SDK1: variants seen among roughly 807,000 people sequenced by gnomAD.
SDK1 encodes the protein protein sidekick-1.
Under a neutral mutation model 245.5 loss-of-function variants are expected in SDK1, and 157 were observed. That is an observed-to-expected ratio of 0.64 (90% CI 0.56 to 0.73). The LOEUF is 0.73. Ranked by LOEUF, SDK1 falls within the 30% of genes least tolerant of loss-of-function variation. The probability of loss-of-function intolerance (pLI) is 0.00; values close to 1 mark genes in which losing one functional copy is unlikely to be tolerated. For synonymous variants in SDK1, 1,647 were observed against 1,278.5 expected (o/e 1.29, Z -6.15); for missense variants, 3,583 against 3,002.3 (o/e 1.19, Z -4.52).
At chr7:3,426,968 C>G (rs994813280) in intron 1 of SDK1, among the ~76,000 whole-genome samples, 5 of 152,198 alleles carry the variant, frequency 3.3e-5, no homozygotes. Context: ...AACCTCATCT[C>G]TCATCAGATA....
chr7:3,415,196 A>T (rs539170431), intron 1 of SDK1, among the ~76,000 whole-genome samples: 1 of 152,326 alleles, frequency 6.6e-6, no homozygotes. Flanking sequence ...GAAGTACTGA[A>T]GGATTTGATG....
chr7:3,574,392 A>G lies in SDK1; in HGVS notation c.299-44688A>G. ...CAGCTTCCCAAAGTGCTGGGATTAC[A>G]GGCATGAGCCACCGTGCCCGGCTCA... On this transcript the variant is annotated intron_variant, in intron 1 of 44. Coordinates refer to ENST00000404826, the MANE Select transcript of SDK1 (RefSeq NM_152744.4). 1.3e-5 allele frequency among the ~76,000 whole-genome samples: 2 copies of G among 152,080 alleles called. 1 individual carries two copies. Among genetic ancestry groups the G allele is most frequent in the Non-Finnish European group, 2.9e-5 (2 of 67,976 alleles).
At chr7:3,947,661 C>T (rs2128123957) in intron 5 of SDK1, among the ~76,000 whole-genome samples, 1 of 150,570 alleles carries the variant, frequency 6.6e-6, no homozygotes, top group East Asian at 1.9e-4. Flanking sequence ...TTAAAAATAT[C>T]TGTATCTATA....
intron 22 of SDK1, among the ~76,000 whole-genome samples, chr7:4,083,705 A>ACTTCCTCCCTCCCTTCTTTC (rs1781229296): frequency 2.3e-5 from 3 of 129,556 alleles, no homozygotes; most frequent in Non-Finnish European, 5.0e-5. Context: ...TCCCTCCTTT[A>ACTTCCTCCCTCCCTTCTTTC]CTTCCTCCCT....
chr7:3,481,686 C>G (rs1419923808), intron 1 of SDK1, among the ~76,000 whole-genome samples: 1 of 152,262 alleles, frequency 6.6e-6, no homozygotes, highest in Non-Finnish European at 1.5e-5. Context: ...GTCAGGGACC[C>G]TGTCCACTCT....
chr7:4,175,928 G>C (rs941384611), intron 34 of SDK1, 94 bp downstream of exon 34: 10 of 1,041,888 alleles, frequency 9.6e-6, no homozygotes, highest in Non-Finnish European at 1.5e-5. Context: ...AACCAGCCTG[G>C]ATTAATGGCT....
intron 18 of SDK1, among the ~76,000 whole-genome samples, chr7:4,051,037 TTATA>T (rs1033506816): frequency 7.1e-6 from 1 of 141,642 alleles, no homozygotes; most frequent in East Asian, 2.0e-4. Flanking sequence ...GTTATGTATG[TTATA>T]TATAGTATAC....
rs199532876 is a variant in SDK1, at chr7:3,432,124, A to ATAT, written c.298+130240_298+130241insTAT. On this transcript the variant is annotated intron_variant, in intron 1 of 44. Coordinates refer to ENST00000404826, the MANE Select transcript of SDK1 (RefSeq NM_152744.4). Reference sequence around the variant, plus strand: ...TTGCAGGCTGCAGTAAAAAAAAAAAAATATATATATGTATTTTATATTTAA... The same window carrying ATAT: ...TTGCAGGCTGCAGTAAAAAAAAAAAATATATATATATATGTATTTTATATTTAA... Among the ~76,000 whole-genome samples the ATAT allele has an allele frequency of 8.4e-3, 1,228 of 146,854 alleles. 21 individuals are homozygous for ATAT. The highest frequency in any genetic ancestry group is 0.031 in the East Asian group (158 of 5,086).
intron 1 of SDK1, among the ~76,000 whole-genome samples, chr7:3,526,841 A>G (rs748112148): frequency 5.3e-5 from 8 of 152,134 alleles, no homozygotes; most frequent in Admixed American, 6.5e-5. Context: ...TGAATCTTAT[A>G]TATATCTTCC....
intron 1 of SDK1, among the ~76,000 whole-genome samples, chr7:3,420,555 A>AG (rs1779507999): frequency 6.6e-6 from 1 of 152,130 alleles, no homozygotes; most frequent in African/African-American, 2.4e-5. Flanking sequence ...CTAATCTTTT[A>AG]GGGGGAGGGT....
intron 5 of SDK1, among the ~76,000 whole-genome samples, chr7:3,823,955 T>C (rs1279462816): frequency 6.8e-6 from 1 of 146,886 alleles, no homozygotes. Context: ...TTTTTGTGTT[T>C]TTTTTTTTTG....
rs1779257991 is a variant in SDK1, at chr7:3,301,570, G to C, written c.-17G>C. On this transcript the variant is annotated 5_prime_UTR_variant, in exon 1 of 45. Transcript: ENST00000404826. ...CCCGTCCGTCCGGCGCGGCGCTCGG[G>C]GTGGCGGCTGCTCGGCATGGCCCGG... 1.1e-6 allele frequency: 1 copy of C among 925,416 alleles called. No individual in the cohort carries two copies. The highest frequency in any genetic ancestry group is 1.3e-6 in the Non-Finnish European group (1 of 779,142). 57.3% of individuals were successfully genotyped at this position (925,416 alleles called of 1,614,324 possible).
chr7:3,985,902 C>T (rs1469351301), intron 13 of SDK1, among the ~76,000 whole-genome samples: 6 of 152,130 alleles, frequency 3.9e-5, no homozygotes, highest in Non-Finnish European at 8.8e-5. Flanking sequence ...ATAATTATGG[C>T]TTTGTGTTCT....
intron 35 of SDK1, among the ~76,000 whole-genome samples, chr7:4,199,984 A>AATC: frequency 6.6e-6 from 1 of 152,110 alleles, no homozygotes; most frequent in Non-Finnish European, 1.5e-5. Context: ...AATCCCAGCT[A>AATC]CTCAGGAGGC....
chr7:3,924,519 C>T (rs754899277), intron 5 of SDK1, among the ~76,000 whole-genome samples: 7 of 152,150 alleles, frequency 4.6e-5, no homozygotes, highest in Non-Finnish European at 7.3e-5. Flanking sequence ...CACTGTCAGA[C>T]GACAAACAGG....
At chr7:3,985,224 C>A (rs1283419112) in intron 13 of SDK1, among the ~76,000 whole-genome samples, 1 of 152,236 alleles carries the variant, frequency 6.6e-6, no homozygotes, top group Non-Finnish European at 1.5e-5. Flanking sequence ...GAAAACCGTC[C>A]CAGTCACTCA....
intron 5 of SDK1, among the ~76,000 whole-genome samples, chr7:3,846,497 C>G (rs1275461627): frequency 6.6e-6 from 1 of 152,128 alleles, no homozygotes; most frequent in Admixed American, 6.5e-5. Context: ...GACTGCCTTC[C>G]CCAAGGCCCT....
intron 4 of SDK1, among the ~76,000 whole-genome samples, chr7:3,657,090 A>C (rs1330885044): frequency 6.6e-6 from 1 of 151,992 alleles, no homozygotes; most frequent in Admixed American, 6.6e-5. Context: ...TCCCCCACAA[A>C]GGAGGAGGGG....
At chr7:3,751,297 A>G (rs991823601) in intron 4 of SDK1, among the ~76,000 whole-genome samples, 2 of 152,214 alleles carry the variant, frequency 1.3e-5, no homozygotes, top group Non-Finnish European at 2.9e-5. Context: ...ATAAACTAGG[A>G]TGATGCCCCT....
Sources: gnomAD v4.1 joint callset for allele counts (sites outside exome capture counted in the v4.1 genomes callset) on GRCh38, gnomAD v4.1.1 for gene constraint, MANE v1.5 for transcripts, NCBI Gene and HGNC (gene_info 2026-07-23, HGNC 2026-07-21) for gene names.